The following AKAP6 variants were observed in gnomAD, a reference collection of about 807,000 sequenced individuals.
The protein encoded by AKAP6 is A-kinase anchor protein 6.
AKAP6 carries 58 observed loss-of-function variants against 188.5 expected under a neutral mutation model. The ratio of observed to expected loss-of-function variants is 0.31; its 90% CI spans 0.25 to 0.38. The LOEUF is 0.38. AKAP6 is among the 10% of genes least tolerant of loss of function. The pLI is 1.00. For missense variants in AKAP6, 2,710 were observed against 2,740.0 expected, an observed-to-expected ratio of 0.99 and a Z score of 0.24; for synonymous variants, 989 against 998.6, an observed-to-expected ratio of 0.99 and a Z score of 0.18.
intron 7 of AKAP6, chr14:32,628,236 C>G (rs1887106867): frequency 6.6e-6 from 1 of 151,962 alleles, no homozygotes; most frequent in African/African-American, 2.4e-5. Flanking sequence ...CCGTAGCAGT[C>G]ATTAGAGGGT....
At chr14:32,478,367 G>A (rs1209063747) in intron 2 of AKAP6, among the ~76,000 whole-genome samples, 1 of 152,196 alleles carries the variant, frequency 6.6e-6, no homozygotes, top group East Asian at 1.9e-4. Context: ...CTGCTAAACA[G>A]ATGACTGAAT....
At chr14:32,520,308 C>T (rs1881754632) in intron 2 of AKAP6, among the ~76,000 whole-genome samples, 1 of 152,088 alleles carries the variant, frequency 6.6e-6, no homozygotes, top group Non-Finnish European at 1.5e-5. Context: ...AGAGCAAACA[C>T]ATTCAAAAGC....
chr14:32,353,535 T>A (rs1273386005), intron 1 of AKAP6, among the ~76,000 whole-genome samples: 1 of 152,202 alleles, frequency 6.6e-6, no homozygotes, highest in Non-Finnish European at 1.5e-5. Context: ...CACTCTAGCC[T>A]GGTGGACAGA....
chr14:32,351,075 T>C (rs1047038496), intron 1 of AKAP6, among the ~76,000 whole-genome samples: 2 of 152,186 alleles, frequency 1.3e-5, no homozygotes, highest in Non-Finnish European at 2.9e-5. Flanking sequence ...ATAGTGATTT[T>C]CCAGATGATT....
chr14:32,335,797 T>A (rs1234888106), intron 1 of AKAP6, among the ~76,000 whole-genome samples: 2 of 151,630 alleles, frequency 1.3e-5, no homozygotes, highest in East Asian at 3.9e-4. Flanking sequence ...ACACAACATA[T>A]TTATGCTGTC....
At chr14:32,594,474 T>C (rs951015656) in intron 5 of AKAP6, among the ~76,000 whole-genome samples, 2 of 152,342 alleles carry the variant, frequency 1.3e-5, no homozygotes, top group Non-Finnish European at 1.5e-5. Context: ...CTTAAATGCT[T>C]ACTCATAGAA....
chr14:32,624,549 T>C (rs181064098), intron 7 of AKAP6, among the ~76,000 whole-genome samples: 7 of 152,282 alleles, frequency 4.6e-5, no homozygotes, highest in Non-Finnish European at 8.8e-5. Flanking sequence ...GGAATCTTAT[T>C]TCAGATTTCC....
chr14:32,684,302 A>AAAAT (rs2139658181), intron 8 of AKAP6, among the ~76,000 whole-genome samples: 2 of 152,296 alleles, frequency 1.3e-5, no homozygotes, highest in South Asian at 4.1e-4. Context: ...TGCTTATTTT[A>AAAAT]AAACTATAGG....
intron 7 of AKAP6, among the ~76,000 whole-genome samples, chr14:32,614,160 A>G (rs184672793): frequency 1.4e-4 from 22 of 152,302 alleles, no homozygotes; most frequent in Admixed American, 1.2e-3. Context: ...TTGATATTCT[A>G]AGTGTTCTTC....
At chr14:32,395,703 T>C (rs897170224) in intron 1 of AKAP6, among the ~76,000 whole-genome samples, 2 of 152,210 alleles carry the variant, frequency 1.3e-5, no homozygotes, top group African/African-American at 4.8e-5. Context: ...TTACACTTAT[T>C]TTTCCCCCTA....
chr14:32,748,185 G>A (rs78083557), intron 11 of AKAP6, among the ~76,000 whole-genome samples: 2,520 of 152,300 alleles, frequency 0.017, 63 homozygotes, highest in African/African-American at 0.057. Flanking sequence ...AGGTATCTCA[G>A]TGCTCTCCAC....
At chr14:32,791,092 T>A (rs1159749600) in intron 12 of AKAP6, among the ~76,000 whole-genome samples, 1 of 152,208 alleles carries the variant, frequency 6.6e-6, no homozygotes, top group Non-Finnish European at 1.5e-5. Context: ...TGTGCTTGTG[T>A]CTTTATAGTA....
At chr14:32,533,791 G>A (rs528056217) in intron 2 of AKAP6, among the ~76,000 whole-genome samples, 4 of 152,304 alleles carry the variant, frequency 2.6e-5, no homozygotes, top group Admixed American at 2.6e-4. Flanking sequence ...GCTCTTTTGT[G>A]ATGAGGCCAG....
chr14:32,340,126 G>A (rs1236413800), intron 1 of AKAP6, among the ~76,000 whole-genome samples: 1 of 151,742 alleles, frequency 6.6e-6, no homozygotes, highest in Non-Finnish European at 1.5e-5. Flanking sequence ...ATCATAACAA[G>A]CTGAATAAGA....
chr14:32,595,568 G>A (rs1885659185), intron 5 of AKAP6, among the ~76,000 whole-genome samples: 1 of 152,056 alleles, frequency 6.6e-6, no homozygotes, highest in Admixed American at 6.6e-5. Flanking sequence ...GAGTGCAGTG[G>A]TATGATCATA....
intron 8 of AKAP6, among the ~76,000 whole-genome samples, chr14:32,694,389 C>T (rs1447385138): frequency 1.3e-5 from 2 of 150,706 alleles, no homozygotes; most frequent in Non-Finnish European, 2.9e-5. Flanking sequence ...AAGCGTGGTC[C>T]ATGGACCAGC....
chr14:32,789,919 G>A (rs2033557462), intron 12 of AKAP6, among the ~76,000 whole-genome samples: 1 of 152,162 alleles, frequency 6.6e-6, no homozygotes, highest in African/African-American at 2.4e-5. Context: ...AATAATGAAT[G>A]TTGCTGAGCT....
chr14:32,813,365 G>C (rs1467385099), intron 12 of AKAP6, among the ~76,000 whole-genome samples: 1 of 147,414 alleles, frequency 6.8e-6, no homozygotes, highest in Non-Finnish European at 1.5e-5. Context: ...AAGAAGAGTA[G>C]TTACAGTTTT....
At position 32,802,167 on chromosome 14, in the gene AKAP6, T is replaced by G. The variant is rs1304965369; in HGVS notation, c.3589-19235T>G. On this transcript the variant is annotated intron_variant, in intron 12 of 13. Transcript: ENST00000280979. ...CTTGGGATATTTTATTCTTTTTACT[T>G]TTTTCTCTGCATTTCAGTTTGGGAA... Among the ~76,000 whole-genome samples the G allele has an allele frequency of 3.3e-5, 5 of 152,300 alleles. No homozygotes were observed. In the East Asian group the frequency reaches 9.6e-4, roughly 29 times the overall value.
Sources: gnomAD v4.1 joint callset for allele counts (sites outside exome capture counted in the v4.1 genomes callset) on GRCh38, gnomAD v4.1.1 for gene constraint, MANE v1.5 for transcripts, NCBI Gene and HGNC (gene_info 2026-07-23, HGNC 2026-07-21) for gene names.